The following GABRB1 variants were observed in gnomAD, a reference collection of about 807,000 sequenced individuals.
The protein encoded by GABRB1 is gamma-aminobutyric acid type A receptor subunit beta1, also known as gamma-aminobutyric acid receptor subunit beta-1.
Under a neutral mutation model 51.6 loss-of-function variants are expected in GABRB1, and 17 were observed. That is an observed-to-expected ratio of 0.33 (90% CI 0.23 to 0.49). GABRB1 has a LOEUF of 0.49. Ranked by LOEUF, GABRB1 falls within the 20% of genes least tolerant of loss-of-function variation. The probability of loss-of-function intolerance (pLI) is 0.99; values close to 1 mark genes in which losing one functional copy is unlikely to be tolerated. For missense variants in GABRB1, 410 were observed against 600.6 expected, an observed-to-expected ratio of 0.68 and a Z score of 3.32; for synonymous variants, 247 against 218.9, an observed-to-expected ratio of 1.13 and a Z score of -1.14.
chr4:47,054,103 T>A (rs1726477807), intron 3 of GABRB1, among the ~76,000 whole-genome samples: 1 of 150,772 alleles, frequency 6.6e-6, no homozygotes, highest in South Asian at 2.1e-4. Context: ...ATAAAAAGAG[T>A]CTTTTTTCCA....
chr4:47,240,553 T>C (rs1054196673), intron 4 of GABRB1, among the ~76,000 whole-genome samples: 3 of 152,206 alleles, frequency 2.0e-5, no homozygotes, highest in Admixed American at 6.5e-5. Context: ...TGATGGTACA[T>C]AATTACCCTC....
chr4:47,222,891 T>C (rs1720814765), intron 4 of GABRB1, among the ~76,000 whole-genome samples: 1 of 152,184 alleles, frequency 6.6e-6, no homozygotes, highest in South Asian at 2.1e-4. Flanking sequence ...ACATTCTTCT[T>C]ATCTAAAAAA....
chr4:47,007,866 G>GTTATATATATATATATATA (rs1476319173), intron 1 of GABRB1, among the ~76,000 whole-genome samples: 2 of 49,972 alleles, frequency 4.0e-5, no homozygotes, highest in African/African-American at 1.6e-4. Context: ...CTTGGAACTG[G>GTTATATATATATATATATA]TATATATATA....
chr4:47,076,270 A>T (rs1389563630), intron 3 of GABRB1, among the ~76,000 whole-genome samples: 1 of 152,198 alleles, frequency 6.6e-6, no homozygotes, highest in Non-Finnish European at 1.5e-5. Flanking sequence ...TCTTGCTCTC[A>T]AAAAGCTCTT....
At chr4:47,371,153 G>A (rs1352771079) in intron 5 of GABRB1, among the ~76,000 whole-genome samples, 4 of 134,550 alleles carry the variant, frequency 3.0e-5, no homozygotes, top group Non-Finnish European at 6.0e-5. Context: ...TGTTCTCATC[G>A]TTCAGCTCCC....
At chr4:47,423,490 T>C (rs73234548) in intron 8 of GABRB1, among the ~76,000 whole-genome samples, 1,886 of 152,354 alleles carry the variant, frequency 0.012, 12 homozygotes, top group Middle Eastern at 0.024. Flanking sequence ...TAAAAGTCAG[T>C]GCTAAGGGTT....
At chr4:47,181,777 A>T (rs943432476) in intron 4 of GABRB1, among the ~76,000 whole-genome samples, 1 of 151,984 alleles carries the variant, frequency 6.6e-6, no homozygotes, top group African/African-American at 2.4e-5. Flanking sequence ...CATTTGTTTT[A>T]TCTGTGTGTT....
At chr4:47,299,388 T>C (rs1371053821) in intron 4 of GABRB1, among the ~76,000 whole-genome samples, 1 of 151,734 alleles carries the variant, frequency 6.6e-6, no homozygotes, top group Non-Finnish European at 1.5e-5. Flanking sequence ...CAAACAAATT[T>C]ACAAGAAAAA....
chr4:47,133,232 G>A (rs1449282462), intron 3 of GABRB1, among the ~76,000 whole-genome samples: 1 of 152,180 alleles, frequency 6.6e-6, no homozygotes, highest in Non-Finnish European at 1.5e-5. Context: ...GATTGACTCA[G>A]TGAATGGATG....
At chr4:47,424,233 G>A (rs574686653) in intron 8 of GABRB1, among the ~76,000 whole-genome samples, 27 of 152,324 alleles carry the variant, frequency 1.8e-4, no homozygotes, top group African/African-American at 6.5e-4. Context: ...GAAAGAGCTT[G>A]AGCTTTGAAT....
chr4:47,031,501 G>C, upstream of GABRB1: 1 of 654,908 alleles, frequency 1.5e-6, no homozygotes, highest in Non-Finnish European at 2.7e-6. Flanking sequence ...TGTTCCACTA[G>C]GAATATTGTT....
At chr4:47,077,371 A>C (rs1472462374) in intron 3 of GABRB1, among the ~76,000 whole-genome samples, 1 of 152,222 alleles carries the variant, frequency 6.6e-6, no homozygotes. Flanking sequence ...TGTACAAAAT[A>C]GTCATTAAGC....
chr4:47,019,629 T>TCTCTCTCTA (rs1560498125), intron 1 of GABRB1, among the ~76,000 whole-genome samples: 1 of 29,408 alleles, frequency 3.4e-5, no homozygotes, highest in African/African-American at 1.6e-4. Flanking sequence ...TTCTCTCTCT[T>TCTCTCTCTA]TCTTTCTTTC....
intron 5 of GABRB1, among the ~76,000 whole-genome samples, chr4:47,392,632 G>A (rs769383166): frequency 1.3e-5 from 2 of 152,086 alleles, no homozygotes; most frequent in Non-Finnish European, 2.9e-5. Flanking sequence ...GTGAGCCACC[G>A]TGCCCAGCCT....
At chr4:47,272,156 C>G (rs1032641193) in intron 4 of GABRB1, among the ~76,000 whole-genome samples, 1 of 152,104 alleles carries the variant, frequency 6.6e-6, no homozygotes, top group African/African-American at 2.4e-5. Flanking sequence ...GTATTCAACT[C>G]CTGTGCTGTA....
At position 47,418,028 on chromosome 4, in the gene GABRB1, A is replaced by G. The variant is rs141099936; in HGVS notation, c.1081-7646A>G. On this transcript the variant is annotated intron_variant, in intron 8 of 8. Coordinates refer to ENST00000295454, the MANE Select transcript of GABRB1 (RefSeq NM_000812.4). ...AGATGGAAGGGGTGGAAGAAAGGCT[A>G]AACCCAATCCAGAAAATAAATCTGT... Among the ~76,000 whole-genome samples, 21 of 152,296 alleles carry G rather than the reference A, an allele frequency of 1.4e-4. No homozygotes were observed. The East Asian group carries it at 3.5e-3, about 25-fold the overall frequency.
intron 3 of GABRB1, among the ~76,000 whole-genome samples, chr4:47,156,387 A>G (rs1717700245): frequency 6.6e-6 from 1 of 152,018 alleles, no homozygotes; most frequent in Non-Finnish European, 1.5e-5. Flanking sequence ...TTTGAACCAG[A>G]CAATTCTTTA....
Position 47,032,300 on chromosome 4 carries a change from G to C in GABRB1, c.173-117G>C, listed in dbSNP as rs915357451. The C allele has an allele frequency of 9.4e-6, 9 of 957,332 alleles. No homozygotes were observed. The Admixed American group carries it at 1.1e-4, about 12-fold the overall frequency. 59.3% of individuals were successfully genotyped at this position (957,332 alleles called of 1,614,324 possible). A position where few individuals can be genotyped will look rare whatever the true frequency, so the allele number is the denominator to read the frequency against. ...AGGCAGTCCCCTGAAAGGGGTGGTG[G>C]GGGGAGCAGGGAGGGAGCCCGTTAA... On this transcript the variant is annotated intron_variant, in intron 2 of 8. Coordinates refer to ENST00000295454, the MANE Select transcript of GABRB1 (RefSeq NM_000812.4).
At position 47,092,788 on chromosome 4, in the gene GABRB1, G is replaced by GT. The variant is rs1475844315; in HGVS notation, c.240+60310dup. Among the ~76,000 whole-genome samples, 6 of 151,608 alleles carry GT rather than the reference G, an allele frequency of 4.0e-5. No individual in the cohort carries two copies. In the East Asian group the frequency reaches 9.8e-4, roughly 25 times the overall value. On this transcript the variant is annotated intron_variant, in intron 3 of 8. Coordinates refer to ENST00000295454, the MANE Select transcript of GABRB1 (RefSeq NM_000812.4). ...CACCACACCTGGCTAATTTTTTTGT[G>GT]TTTTTTAGTAGAGATGTGGTTTCGC...
Sources: allele counts gnomAD v4.1 joint callset (sites outside exome capture counted in the v4.1 genomes callset), GRCh38; gene constraint gnomAD v4.1.1; transcripts MANE v1.5; gene names NCBI Gene and HGNC (gene_info 2026-07-23, HGNC 2026-07-21).